Variants in MEGF6 observed in about 807,000 individuals in gnomAD.
MEGF6 encodes the protein multiple epidermal growth factor-like domains protein 6.
Under a neutral mutation model 207.1 loss-of-function variants are expected in MEGF6, and 184 were observed. That is an observed-to-expected ratio of 0.89 (90% CI 0.79 to 1.00). MEGF6 has a LOEUF of 1.00. Among genes scored for constraint, MEGF6 ranks in the 50% least tolerant of loss-of-function variants. MEGF6 has a pLI of 0.00. For synonymous variants in MEGF6, 1,038 were observed against 910.0 expected, an observed-to-expected ratio of 1.14 and a Z score of -2.53; for missense variants, 2,282 against 2,202.9, an observed-to-expected ratio of 1.04 and a Z score of -0.72.
At chr1:3,520,699 T>C (rs1470023587) in intron 5 of MEGF6, among the ~76,000 whole-genome samples, 2 of 152,192 alleles carry the variant, frequency 1.3e-5, no homozygotes, top group African/African-American at 2.4e-5. Context: ...TGGGAGCCAC[T>C]GGCAAAGTCC....
At chr1:3,500,888 G>C (rs1640830867) in intron 20 of MEGF6, 78 bp downstream of exon 20, 4 of 1,602,810 alleles carry the variant, frequency 2.5e-6, no homozygotes, top group South Asian at 2.2e-5. Context: ...TAGTCCTCGG[G>C]GGCCCTGGGC....
At chr1:3,577,667 C>A (rs1172841119) in intron 4 of MEGF6, among the ~76,000 whole-genome samples, 1 of 152,188 alleles carries the variant, frequency 6.6e-6, no homozygotes, top group African/African-American at 2.4e-5. Context: ...CGGGCCCAGG[C>A]ACCGTGAGAG....
intron 3 of MEGF6, among the ~76,000 whole-genome samples, chr1:3,593,365 G>A (rs1046083459): frequency 1.5e-4 from 23 of 152,116 alleles, no homozygotes; most frequent in Non-Finnish European, 7.4e-5. Context: ...CGGAGGGGAC[G>A]GCATCGGGGG....
rs190946618 is a variant in MEGF6 at position 3,507,688 on chromosome 1, T to G, written c.1789+107A>C. 224 of 1,465,646 alleles carry G rather than the reference T, an allele frequency of 1.5e-4. 1 individual carries two copies. The African/African-American group carries it at 2.5e-3, about 16-fold the overall frequency. 90.8% of individuals were successfully genotyped at this position (1,465,646 alleles called of 1,614,324 possible). On this transcript the variant is annotated intron_variant, in intron 14 of 36. Transcript: ENST00000356575. ...AGGAAAAGTTTGGTAGCAGTTTCCCTGCTCCAGTGGGAGGAAGGAGACAAG... is the reference window on the plus strand; with the variant it reads ...AGGAAAAGTTTGGTAGCAGTTTCCCGGCTCCAGTGGGAGGAAGGAGACAAG...
chr1:3,600,164 C>T (rs973223302), intron 2 of MEGF6, among the ~76,000 whole-genome samples: 2 of 152,204 alleles, frequency 1.3e-5, no homozygotes, highest in African/African-American at 2.4e-5. Flanking sequence ...TGCATCTCCC[C>T]AGAACCCAGG....
chr1:3,491,133 G>T (rs543354756), intron 35 of MEGF6, among the ~76,000 whole-genome samples, 174 bp from the exon 36 acceptor site: 6 of 151,894 alleles, frequency 4.0e-5, no homozygotes, highest in East Asian at 1.9e-4. Context: ...GGAGCTGGGG[G>T]GGGGGGCTCT....
chr1:3,511,456 AC>A, intron 9 of MEGF6, 93 bp downstream of exon 9: 1 of 1,412,794 alleles, frequency 7.1e-7, no homozygotes, highest in African/African-American at 1.4e-5. Context: ...ACTGACGAGG[AC>A]CTCCAAGTCA....
chr1:3,488,402 C>G lies in MEGF6; in HGVS notation c.*2126G>C, dbSNP rs1307513937. ...CACCCTCACACCATGCTGAGACTGT[C>G]GGGGGTTCCCATTGGGGAGTAATGG... On this transcript the variant is annotated 3_prime_UTR_variant, in exon 37 of 37. Coordinates refer to ENST00000356575, the MANE Select transcript of MEGF6 (RefSeq NM_001409.4). Among the ~76,000 whole-genome samples the G allele has an allele frequency of 6.6e-6, 1 of 152,178 alleles. No individual in the cohort carries two copies. The highest frequency in any genetic ancestry group is 1.5e-5 in the Non-Finnish European group (1 of 68,034).
At chr1:3,528,825 C>A (rs1291782013) in intron 4 of MEGF6, among the ~76,000 whole-genome samples, 1 of 152,196 alleles carries the variant, frequency 6.6e-6, no homozygotes, top group Non-Finnish European at 1.5e-5. Flanking sequence ...CAGCCCTGCC[C>A]ACGCCTTGAT....
intron 26 of MEGF6, among the ~76,000 whole-genome samples, 163 bp downstream of exon 26, chr1:3,498,208 C>G (rs1640691764): frequency 6.6e-6 from 1 of 152,208 alleles, no homozygotes; most frequent in African/African-American, 2.4e-5. Context: ...CTGAGACCCT[C>G]CCAACAGGGT....
intron 3 of MEGF6, among the ~76,000 whole-genome samples, chr1:3,590,744 G>A (rs1361387467): frequency 6.6e-6 from 1 of 151,194 alleles, no homozygotes; most frequent in Non-Finnish European, 1.5e-5. Context: ...GCCAGCAGGG[G>A]CTGGAGGGTG....
rs1281267711 is a variant in MEGF6 at position 3,497,381 on chromosome 1, G to A, written c.3353-20C>T. The stretch of plus-strand genomic sequence containing the variant: ...GGCAGGCTGCAGAAAGATGAGGGCT[G>A]CGGAGGCTTCTAGGAGGGGCCCGTG... On this transcript the variant is annotated intron_variant, in intron 26 of 36. Coordinates refer to ENST00000356575, the MANE Select transcript of MEGF6 (RefSeq NM_001409.4). 2.0e-6 allele frequency: 3 copies of A among 1,518,990 alleles called. No individual in the cohort carries two copies. The South Asian group carries it at 3.8e-5, about 19-fold the overall frequency. 94.1% of individuals were successfully genotyped at this position (1,518,990 alleles called of 1,614,324 possible).
In MEGF6 at chr1:3,609,917, C is replaced by T. The variant is rs569638227; in HGVS notation, c.131+1221G>A. 9.3e-4 allele frequency among the ~76,000 whole-genome samples: 142 copies of T among 152,362 alleles called. 2 individuals are homozygous for T. In the South Asian group the frequency reaches 0.022, roughly 23 times the overall value. ...CACCTCCGCCAAGCAGCAGCCCACCCCTGGGACTCTGGGGAGCCTATGCCC... is the reference window on the plus strand; with the variant it reads ...CACCTCCGCCAAGCAGCAGCCCACCTCTGGGACTCTGGGGAGCCTATGCCC... On this transcript the variant is annotated intron_variant, in intron 1 of 36. Coordinates refer to ENST00000356575, the MANE Select transcript of MEGF6 (RefSeq NM_001409.4).
chr1:3,619,110 C>T, the MEGF6 span, among the ~76,000 whole-genome samples: 12 of 152,376 alleles, frequency 7.9e-5, no homozygotes, highest in African/African-American at 2.6e-4. Flanking sequence ...TAAATAATGA[C>T]TTCATGTAGG....
chr1:3,567,996 A>G (rs1426261264), intron 4 of MEGF6, among the ~76,000 whole-genome samples: 3 of 152,156 alleles, frequency 2.0e-5, no homozygotes, highest in African/African-American at 7.2e-5. Flanking sequence ...GTGCTGTGGG[A>G]CAGGCCCAGC....
At chr1:3,531,360 G>C in intron 4 of MEGF6, 1 of 1,187,802 alleles carries the variant, frequency 8.4e-7, no homozygotes, top group Non-Finnish European at 1.0e-6. Flanking sequence ...GGGCGGGCGC[G>C]CAATCCCAGC....
chr1:3,595,952 T>C (rs2821025), intron 2 of MEGF6, among the ~76,000 whole-genome samples: 135,298 of 152,196 alleles, frequency 0.89, 60,184 homozygotes, highest in East Asian at 0.98. Flanking sequence ...ACTCCATATT[T>C]TGAGTCCATC....
chr1:3,500,768 C>G lies in MEGF6; in HGVS notation c.2576-4G>C, dbSNP rs765890454. The G allele has an allele frequency of 6.2e-7, 1 of 1,605,194 alleles. No homozygotes were observed. Among genetic ancestry groups the G allele is most frequent in the Non-Finnish European group, 8.5e-7 (1 of 1,176,240 alleles). ...CCCCAGTGCCCAGTATCACAGGCTG[C>G]AACAGAACTCAGGGTCACCCGGCGC... On this transcript the variant is annotated splice_region_variant and splice_polypyrimidine_tract_variant and intron_variant, in intron 20 of 36. Coordinates refer to ENST00000356575, the MANE Select transcript of MEGF6 (RefSeq NM_001409.4).
In MEGF6 at chr1:3,515,461, C is replaced by T. The variant is rs12090611; in HGVS notation, c.671G>A (p.Arg224Gln). The change falls in exon 6 of 37, where the codon CGG becomes CAG. Residue 224 changes from arginine (R) to glutamine (Q), a missense_variant. Transcript: ENST00000356575. Reference sequence around the variant, plus strand: ...CCCGGGCCGGCACTGGCAGCGATGCCGAGTGATTGTGAGCTGGACACAGTG... The same window carrying T: ...CCCGGGCCGGCACTGGCAGCGATGCTGAGTGATTGTGAGCTGGACACAGTG... ...QHHCVQLTIT[R>Q]HRCQCRPGFQ... is the part of the protein sequence containing the mutation. 1.6e-3 allele frequency: 2,626 copies of T among 1,612,688 alleles called. 39 individuals carry two copies. The African/African-American group carries it at 0.031, about 19-fold the overall frequency.
Sources: gnomAD v4.1 joint callset for allele counts (sites outside exome capture counted in the v4.1 genomes callset) on GRCh38, gnomAD v4.1.1 for gene constraint, MANE v1.5 for transcripts, NCBI Gene and HGNC (gene_info 2026-07-23, HGNC 2026-07-21) for gene names.